The following SLC9B1 variants were observed in gnomAD, a reference collection of about 807,000 sequenced individuals.
SLC9B1 encodes sodium/hydrogen exchanger 9B1.
A neutral mutation model predicts 51.7 loss-of-function variants in SLC9B1; 32 were observed. The observed-to-expected ratio is 0.62, with a 90% CI of 0.47 to 0.83. The LOEUF is 0.83. SLC9B1 is among the 40% of genes least tolerant of loss of function. SLC9B1 has a pLI of 0.00. For missense variants in SLC9B1, 406 were observed against 613.2 expected, an observed-to-expected ratio of 0.66 and a Z score of 3.57; for synonymous variants, 145 against 212.7, an observed-to-expected ratio of 0.68 and a Z score of 2.77.
At chr4:102,908,405 TAC>T (rs1357108472) in intron 9 of SLC9B1, among the ~76,000 whole-genome samples, 1 of 83,276 alleles carries the variant, frequency 1.2e-5, no homozygotes, top group Non-Finnish European at 2.5e-5. Context: ...TATATATACA[TAC>T]ACACACATCA....
At chr4:102,958,796 A>T (rs1737935322) in intron 3 of SLC9B1, among the ~76,000 whole-genome samples, 1 of 151,724 alleles carries the variant, frequency 6.6e-6, no homozygotes, top group Non-Finnish European at 1.5e-5. Flanking sequence ...GGTGGCAGGC[A>T]CCTGTAGTCC....
intron 1 of SLC9B1, among the ~76,000 whole-genome samples, chr4:103,016,134 C>CAAAAAAAAAAAA (rs61227731): frequency 0.086 from 4,233 of 49,144 alleles, 637 homozygotes; most frequent in Non-Finnish European, 0.098. Flanking sequence ...AACTCTGTCT[C>CAAAAAAAAAAAA]AAAAAAAAAA....
chr4:102,931,726 T>C (rs13118162), intron 7 of SLC9B1, among the ~76,000 whole-genome samples: 1 of 152,220 alleles, frequency 6.6e-6, no homozygotes, highest in Non-Finnish European at 1.5e-5. Flanking sequence ...GTTTAGGTTG[T>C]CTTATAATAG....
intron 2 of SLC9B1, among the ~76,000 whole-genome samples, chr4:102,990,469 C>T (rs1425549009): frequency 1.3e-5 from 2 of 152,000 alleles, no homozygotes; most frequent in South Asian, 4.2e-4. Context: ...CTTAATCTCC[C>T]AGGCCTTTTA....
chr4:103,012,546 T>A (rs1034431735), intron 1 of SLC9B1, among the ~76,000 whole-genome samples: 1 of 152,248 alleles, frequency 6.6e-6, no homozygotes, highest in African/African-American at 2.4e-5. Context: ...GTTCTAGCTT[T>A]TATTCACTAC....
chr4:102,926,217 A>C (rs1736164844), intron 7 of SLC9B1, among the ~76,000 whole-genome samples: 1 of 152,270 alleles, frequency 6.6e-6, no homozygotes, highest in African/African-American at 2.4e-5. Flanking sequence ...CACCACTCCT[A>C]TTCAACATGG....
At chr4:102,981,272 G>A (rs1739342932) in intron 3 of SLC9B1, among the ~76,000 whole-genome samples, 1 of 152,058 alleles carries the variant, frequency 6.6e-6, no homozygotes, top group African/African-American at 2.4e-5. Context: ...GATTGCTTCT[G>A]AATTTTGATA....
chr4:102,996,465 G>A (rs1740222609), intron 1 of SLC9B1, among the ~76,000 whole-genome samples: 1 of 151,996 alleles, frequency 6.6e-6, no homozygotes, highest in Non-Finnish European at 1.5e-5. Context: ...GTAGGAGAAT[G>A]TTTATTCTCC....
rs548675583 is a variant in SLC9B1, at chr4:102,992,518, G to A, written c.-1-806C>T. On this transcript the variant is annotated intron_variant, in intron 1 of 11. Transcript: ENST00000296422. ...AATAATGAAAATTGTTAACGAAAAGGAACATTAACAGTTGAGTAGCTACCA... is the reference window on the plus strand; with the variant it reads ...AATAATGAAAATTGTTAACGAAAAGAAACATTAACAGTTGAGTAGCTACCA... Among the ~76,000 whole-genome samples, 5 of 152,144 alleles carry A rather than the reference G, an allele frequency of 3.3e-5. No individual in the cohort carries two copies. In the South Asian group the frequency reaches 6.2e-4, roughly 19 times the overall value.
At chr4:103,015,809 C>T (rs1234310381) in intron 1 of SLC9B1, among the ~76,000 whole-genome samples, 1 of 152,128 alleles carries the variant, frequency 6.6e-6, no homozygotes, top group Non-Finnish European at 1.5e-5. Flanking sequence ...TCTACCCATA[C>T]TTGCTGTCTT....
intron 1 of SLC9B1, among the ~76,000 whole-genome samples, chr4:102,993,440 T>C (rs899008219): frequency 2.6e-5 from 4 of 152,348 alleles, no homozygotes; most frequent in Non-Finnish European, 4.4e-5. Flanking sequence ...TGGGCTCCCA[T>C]GGCCTTGGGC....
intron 1 of SLC9B1, among the ~76,000 whole-genome samples, chr4:103,006,588 C>T (rs1740799301): frequency 6.6e-6 from 1 of 152,072 alleles, no homozygotes; most frequent in Non-Finnish European, 1.5e-5. Context: ...GGTAGCATTC[C>T]TACTGAAAAT....
chr4:102,931,814 T>C (rs926628558), intron 7 of SLC9B1, among the ~76,000 whole-genome samples: 5 of 152,320 alleles, frequency 3.3e-5, no homozygotes, highest in Non-Finnish European at 7.4e-5. Flanking sequence ...GTACAAATAA[T>C]ACCGCTGAAT....
Position 103,019,688 on chromosome 4 carries a change from G to C in SLC9B1, c.-91C>G. On this transcript the variant is annotated 5_prime_UTR_variant, in exon 1 of 12. Coordinates refer to ENST00000296422, the MANE Select transcript of SLC9B1 (RefSeq NM_139173.4). ...AAGCCACGCGCCACCCAGGTGGGCA[G>C]GGTGGTGACGCGAAAGCCCGGATAG... is the stretch of plus-strand genomic sequence containing the variant. The C allele has an allele frequency of 1.0e-6, 1 of 985,546 alleles. No individual in the cohort carries two copies. Among genetic ancestry groups the C allele is most frequent in the Non-Finnish European group, 1.2e-6 (1 of 829,982 alleles). The allele number at this position is 985,546 out of a possible 1,614,324, so 61.1% of individuals were successfully genotyped here. A position where few individuals can be genotyped will look rare whatever the true frequency, so the allele number is the denominator to read the frequency against.
chr4:102,950,855 C>A (rs577408076), intron 3 of SLC9B1, among the ~76,000 whole-genome samples: 1 of 152,096 alleles, frequency 6.6e-6, no homozygotes, highest in African/African-American at 2.4e-5. Flanking sequence ...ATTAGCCTGG[C>A]CTGTTGGCGC....
chr4:102,993,557 G>A (rs1267205237), intron 1 of SLC9B1, among the ~76,000 whole-genome samples: 1 of 152,188 alleles, frequency 6.6e-6, no homozygotes, highest in Non-Finnish European at 1.5e-5. Flanking sequence ...CAAGCTGCTG[G>A]TGGATCTACC....
chr4:102,958,839 C>T (rs1178145493), intron 3 of SLC9B1, among the ~76,000 whole-genome samples: 1 of 151,890 alleles, frequency 6.6e-6, no homozygotes, highest in Non-Finnish European at 1.5e-5. Context: ...AGGAGAATGG[C>T]GTGAACTCGG....
At chr4:103,007,731 A>C (rs950703648) in intron 1 of SLC9B1, among the ~76,000 whole-genome samples, 1 of 151,738 alleles carries the variant, frequency 6.6e-6, no homozygotes, top group Non-Finnish European at 1.5e-5. Context: ...CAGCCTCCCA[A>C]GTAGCTGGGA....
At position 102,910,448 on chromosome 4, in the gene SLC9B1, G is replaced by A. The variant is rs1167570913; in HGVS notation, c.1077C>T (p.Ser359=). The change falls in exon 9 of 12, where the codon TCC becomes TCT. Residue 359 remains serine (S), a synonymous_variant. Transcript: ENST00000296422. ...TATTAAAAATATTCACCTTTTCTTG[G>A]GACCATTTTGTCCCTGCAATGAAAC... ...VLSFIAGTKW[S]QEKMKVQKII... 1.3e-6 allele frequency: 2 copies of A among 1,545,584 alleles called. No individual in the cohort carries two copies. The highest frequency in any genetic ancestry group is 2.8e-5 in the African/African-American group (2 of 70,326).
Sources: allele counts gnomAD v4.1 joint callset (sites outside exome capture counted in the v4.1 genomes callset), GRCh38; gene constraint gnomAD v4.1.1; transcripts MANE v1.5; gene names NCBI Gene and HGNC (gene_info 2026-07-23, HGNC 2026-07-21).